The following ARID4B variants were observed in gnomAD, a reference collection of about 807,000 sequenced individuals.
ARID4B encodes the protein AT-rich interactive domain-containing protein 4B.
ARID4B carries 26 observed loss-of-function variants against 147.5 expected under a neutral mutation model. The observed-to-expected ratio is 0.18, with a 90% confidence interval of 0.13 to 0.24. ARID4B has a LOEUF of 0.24. Ranked by LOEUF, ARID4B falls within the 10% of genes least tolerant of loss-of-function variation. ARID4B has a pLI of 1.00. For synonymous variants in ARID4B, 512 were observed against 507.9 expected, an observed-to-expected ratio of 1.01 and a Z score of -0.11; for missense variants, 1,179 against 1,511.5, an observed-to-expected ratio of 0.78 and a Z score of 3.65.
chr1:235,258,996 T>A (rs776309374), intron 3 of ARID4B, among the ~76,000 whole-genome samples: 2 of 152,232 alleles, frequency 1.3e-5, no homozygotes, highest in Non-Finnish European at 2.9e-5. Flanking sequence ...AAAAAATATA[T>A]CCCTATATCT....
intron 2 of ARID4B, among the ~76,000 whole-genome samples, chr1:235,320,491 T>C (rs1431617519): frequency 6.6e-6 from 1 of 152,180 alleles, no homozygotes; most frequent in South Asian, 2.1e-4. Context: ...CTGACTGATC[T>C]CCCTACTTCC....
chr1:235,187,052 CTTTTCTTTTTCACTGCATCTTATTCTTT>C, intron 19 of ARID4B: 2 of 348,694 alleles, frequency 5.7e-6, no homozygotes, highest in South Asian at 2.1e-5. Flanking sequence ...GCATCTTATT[CTTTTCTTTTTCACTGCATCTTATTCTTT>C]TTTTTTTTTT....
chr1:235,286,222 C>T (rs1671964072), intron 2 of ARID4B, among the ~76,000 whole-genome samples: 1 of 152,164 alleles, frequency 6.6e-6, no homozygotes, highest in African/African-American at 2.4e-5. Flanking sequence ...TTTGTAGAGA[C>T]AGGGTCTCAC....
At chr1:235,321,935 T>C (rs1335709049) in intron 2 of ARID4B, among the ~76,000 whole-genome samples, 2 of 151,144 alleles carry the variant, frequency 1.3e-5, no homozygotes, top group African/African-American at 4.9e-5. Flanking sequence ...CCCCTTGTTT[T>C]TGCAGTGGCC....
intron 19 of ARID4B, among the ~76,000 whole-genome samples, chr1:235,191,371 C>T (rs1309326216): frequency 1.3e-5 from 2 of 152,002 alleles, no homozygotes; most frequent in African/African-American, 4.8e-5. Flanking sequence ...GCCTCAGCCT[C>T]CCAAGTAGCT....
At chr1:235,310,901 G>A (rs980185162) in intron 2 of ARID4B, among the ~76,000 whole-genome samples, 3 of 152,046 alleles carry the variant, frequency 2.0e-5, no homozygotes, top group Admixed American at 6.6e-5. Flanking sequence ...AAACTCCTGG[G>A]TTCAAGTAAT....
chr1:235,322,251 C>T (rs896534951), intron 2 of ARID4B, among the ~76,000 whole-genome samples: 12 of 151,696 alleles, frequency 7.9e-5, no homozygotes, highest in Non-Finnish European at 1.5e-5. Flanking sequence ...TGGTATAGAA[C>T]TCAGGTGATC....
intron 2 of ARID4B, among the ~76,000 whole-genome samples, chr1:235,289,324 T>C (rs1034933620): frequency 2.8e-4 from 43 of 152,022 alleles, no homozygotes; most frequent in African/African-American, 1.0e-3. Flanking sequence ...AGCAAATATA[T>C]CAAAATATAA....
intron 8 of ARID4B, among the ~76,000 whole-genome samples, chr1:235,237,396 C>T (rs989593354): frequency 3.3e-5 from 5 of 152,026 alleles, no homozygotes; most frequent in African/African-American, 1.2e-4. Context: ...TAGGTATCCA[C>T]TAAATGTTGG....
intron 19 of ARID4B, among the ~76,000 whole-genome samples, chr1:235,185,151 C>T (rs1664588770): frequency 6.6e-6 from 1 of 152,118 alleles, no homozygotes; most frequent in Admixed American, 6.5e-5. Flanking sequence ...CCTCTATGAG[C>T]AATGGGGATT....
intron 16 of ARID4B, among the ~76,000 whole-genome samples, chr1:235,215,530 A>T (rs577665086): frequency 6.9e-6 from 1 of 144,472 alleles, no homozygotes; most frequent in Admixed American, 7.0e-5. Context: ...CATATATTAC[A>T]CCATGCACAC....
rs761000644 is a variant in ARID4B at position 235,263,049 on chromosome 1, A to AT, written c.7-2298dup. On this transcript the variant is annotated intron_variant, in intron 2 of 23. Coordinates refer to ENST00000264183, the MANE Select transcript of ARID4B (RefSeq NM_016374.6). ...TCAATTGGTACTGGGTATTACTGCT[A>AT]TAAAAACCCAAATGGCAGGGCAGTC... 6.6e-5 allele frequency among the ~76,000 whole-genome samples: 10 copies of AT among 152,346 alleles called. No homozygotes were observed. The East Asian group carries it at 1.9e-3, about 29-fold the overall frequency.
At position 235,175,372 on chromosome 1, in the gene ARID4B, G is replaced by C; in HGVS notation, c.3476C>G (p.Ser1159Ter). 1 of 1,613,906 alleles carries C rather than the reference G, an allele frequency of 6.2e-7. No individual in the cohort carries two copies. ...GTNSSDSEEL[S>*]AGESITKSQP... Reference sequence around the variant, plus strand: ...ACTCTTAGTTATACTTTCACCAGCTGAAAGTTCTTCACTATCACTACTATT... The same window carrying C: ...ACTCTTAGTTATACTTTCACCAGCTCAAAGTTCTTCACTATCACTACTATT... Residue 1159 changes from serine to a stop codon, truncating the protein, a stop_gained, in exon 22 of 24, where the codon TCA becomes TGA. Coordinates refer to ENST00000264183, the MANE Select transcript of ARID4B (RefSeq NM_016374.6). LOFTEE classifies it high-confidence loss of function.
At chr1:235,275,942 G>C (rs1671286573) in intron 2 of ARID4B, among the ~76,000 whole-genome samples, 2 of 152,126 alleles carry the variant, frequency 1.3e-5, no homozygotes, top group African/African-American at 4.8e-5. Context: ...TTCAAGACCA[G>C]CCGGGACAAC....
At chr1:235,319,114 C>A (rs990742892) in intron 2 of ARID4B, among the ~76,000 whole-genome samples, 2 of 152,008 alleles carry the variant, frequency 1.3e-5, no homozygotes, top group Non-Finnish European at 2.9e-5. Context: ...CACAGCAAGA[C>A]CTCATCTCTA....
Position 235,231,148 on chromosome 1 carries a change from T to A in ARID4B, c.707A>T (p.Asp236Val), listed in dbSNP as rs774975274. Reference protein sequence around the residue: ...PRKDVHEITSDTAPKPDAVLK... With the variant: ...PRKDVHEITSVTAPKPDAVLK... ...AACAGCATCAGGCTTTGGTGCAGTG[T>A]CACTAGTAATTTCATGGACATCTTT... Residue 236 changes from aspartate (D) to valine (V), a missense_variant, in exon 10 of 24, where the codon GAC (aspartate) becomes GTC (valine). Around this residue, in one of 10 missense-constraint regions of ARID4B, gnomAD observed 159 missense variants for 190.5 expected, o/e 0.83. Transcript: ENST00000264183. 9 of 1,592,206 alleles carry A rather than the reference T, an allele frequency of 5.7e-6. No homozygotes were observed. The East Asian group carries it at 1.8e-4, about 32-fold the overall frequency.
chr1:235,198,005 T>C (rs1324702614), intron 17 of ARID4B, among the ~76,000 whole-genome samples: 1 of 152,184 alleles, frequency 6.6e-6, no homozygotes, highest in Non-Finnish European at 1.5e-5. Context: ...CTCTGTAGAT[T>C]TCAGTATGAA....
intron 6 of ARID4B, among the ~76,000 whole-genome samples, chr1:235,251,270 G>A (rs1474300427): frequency 1.3e-5 from 2 of 149,630 alleles, no homozygotes; most frequent in African/African-American, 4.9e-5. Flanking sequence ...AGTGCAAAAC[G>A]ACCAATTTGG....
At chr1:235,237,097 T>C (rs544761292) in intron 8 of ARID4B, among the ~76,000 whole-genome samples, 1 of 150,576 alleles carries the variant, frequency 6.6e-6, no homozygotes, top group Admixed American at 6.7e-5. Flanking sequence ...GGTCTTGAAC[T>C]CCTGACCTCA....
Sources: gnomAD v4.1 joint callset for allele counts (sites outside exome capture counted in the v4.1 genomes callset) on GRCh38, gnomAD v4.1.1 for gene constraint, gnomAD v4.1.1 regional missense constraint, MANE v1.5 for transcripts, NCBI Gene and HGNC (gene_info 2026-07-23, HGNC 2026-07-21) for gene names.